Variants in CNGA3 observed in about 807,000 individuals in gnomAD.
The protein encoded by CNGA3 is cyclic nucleotide gated channel subunit alpha 3.
A neutral mutation model predicts 46.6 loss-of-function variants in CNGA3; 42 were observed. The observed-to-expected ratio is 0.90, with a 90% CI of 0.70 to 1.17. The LOEUF is 1.17. CNGA3 is among the 50% of genes most tolerant of loss of function. CNGA3 has a pLI of 0.00. For missense variants in CNGA3, 893 were observed against 890.7 expected (o/e 1.00, Z -0.03); for synonymous variants, 394 against 369.4 (o/e 1.07, Z -0.76).
intron 6 of CNGA3, among the ~76,000 whole-genome samples, chr2:98,390,477 G>C (rs1692760047): frequency 6.6e-6 from 1 of 152,082 alleles, no homozygotes; most frequent in South Asian, 2.1e-4. Flanking sequence ...AGCAGAAGAG[G>C]GATTGAGGGC....
intron 1 of CNGA3, among the ~76,000 whole-genome samples, chr2:98,365,632 T>C (rs1692129614): frequency 6.6e-6 from 1 of 152,218 alleles, no homozygotes; most frequent in South Asian, 2.1e-4. Context: ...TCTAATCTTG[T>C]CTGCCTGTCT....
chr2:98,367,846 G>C (rs972530375), intron 1 of CNGA3, among the ~76,000 whole-genome samples: 4 of 152,046 alleles, frequency 2.6e-5, no homozygotes, highest in Admixed American at 2.0e-4. Context: ...CACCTCACAG[G>C]GAACTCATGT....
intron 5 of CNGA3, among the ~76,000 whole-genome samples, chr2:98,388,006 G>T (rs1176756926): frequency 6.6e-6 from 1 of 152,166 alleles, no homozygotes; most frequent in Non-Finnish European, 1.5e-5. Flanking sequence ...ATCAGAAATT[G>T]TAGAACATTA....
intron 5 of CNGA3, among the ~76,000 whole-genome samples, chr2:98,387,281 G>A (rs1399921126): frequency 2.6e-5 from 4 of 152,100 alleles, no homozygotes; most frequent in African/African-American, 4.8e-5. Flanking sequence ...CACACGTATC[G>A]CACACAGCCT....
chr2:98,367,227 C>T (rs544717837), intron 1 of CNGA3, among the ~76,000 whole-genome samples: 1 of 141,766 alleles, frequency 7.1e-6, no homozygotes, highest in South Asian at 2.2e-4. Flanking sequence ...CACTGTGTCC[C>T]CCAGGCTGGA....
chr2:98,377,815 T>C lies in CNGA3; in HGVS notation c.215+15T>C. 1 of 1,602,616 alleles carries C rather than the reference T, an allele frequency of 6.2e-7. No homozygotes were observed. The highest frequency in any genetic ancestry group is 1.1e-5 in the South Asian group (1 of 89,250). On this transcript the variant is annotated intron_variant, in intron 3 of 7. Transcript: ENST00000272602. ...GGGATCGCCAGGTAACTGACCAGCC[T>C]CAGTCCCTACCTTGGCCTGGGGGAC...
intron 6 of CNGA3, among the ~76,000 whole-genome samples, chr2:98,390,318 A>AT (rs139891462): frequency 0.12 from 17,868 of 147,950 alleles, 1,245 homozygotes; most frequent in Non-Finnish European, 0.17. Flanking sequence ...ATATATATGT[A>AT]TTTTTTTTTT....
chr2:98,361,189 C>G (rs960416739), intron 1 of CNGA3, among the ~76,000 whole-genome samples: 3 of 152,152 alleles, frequency 2.0e-5, no homozygotes, highest in Non-Finnish European at 4.4e-5. Flanking sequence ...CCTGCCACCC[C>G]TGGAGAGGCC....
At chr2:98,368,564 C>A (rs186185117) in intron 1 of CNGA3, among the ~76,000 whole-genome samples, 1 of 152,216 alleles carries the variant, frequency 6.6e-6, no homozygotes, top group South Asian at 2.1e-4. Context: ...ATGTTCATGA[C>A]CTGATTTCTG....
chr2:98,380,059 C>G lies in CNGA3; in HGVS notation c.216-116C>G, dbSNP rs373588338. On this transcript the variant is annotated intron_variant, in intron 3 of 7. Coordinates refer to ENST00000272602, the MANE Select transcript of CNGA3 (RefSeq NM_001298.3). ...CCTGCTGGTCATCATTGCTTCTGCC[C>G]CATCCCTTGAGACAGACAGAGAGGG... 1.1e-4 allele frequency: 133 copies of G among 1,237,096 alleles called. 1 individual carries two copies. In the African/African-American group the frequency reaches 1.6e-3, roughly 15 times the overall value. The allele number at this position is 1,237,096 out of a possible 1,614,324, so 76.6% of individuals were successfully genotyped here.
chr2:98,374,097 T>C (rs892494769), intron 2 of CNGA3, among the ~76,000 whole-genome samples: 7 of 152,176 alleles, frequency 4.6e-5, no homozygotes, highest in Non-Finnish European at 8.8e-5. Flanking sequence ...TCACCTCTGT[T>C]TACTCTCATG....
chr2:98,354,869 G>T (rs537229219), intron 1 of CNGA3, among the ~76,000 whole-genome samples: 1 of 152,204 alleles, frequency 6.6e-6, no homozygotes, highest in Non-Finnish European at 1.5e-5. Context: ...ATACACAAAG[G>T]CATTTTTATT....
At chr2:98,383,137 G>C (rs1692574498) in intron 4 of CNGA3, among the ~76,000 whole-genome samples, 1 of 152,210 alleles carries the variant, frequency 6.6e-6, no homozygotes, top group South Asian at 2.1e-4. Flanking sequence ...TCAAACGGCT[G>C]AATCTTTTCT....
intron 2 of CNGA3, among the ~76,000 whole-genome samples, chr2:98,373,123 G>A (rs1278818742): frequency 6.6e-6 from 1 of 152,176 alleles, no homozygotes; most frequent in Non-Finnish European, 1.5e-5. Context: ...ATGGGGTACA[G>A]CAGCCTCAGG....
chr2:98,394,007 G>T (rs571775823), intron 7 of CNGA3, among the ~76,000 whole-genome samples: 1 of 151,116 alleles, frequency 6.6e-6, no homozygotes, highest in African/African-American at 2.4e-5. Flanking sequence ...TCCTACCCCA[G>T]TCTAGCCTCG....
At chr2:98,348,846 T>C (rs1018856140) in intron 1 of CNGA3, among the ~76,000 whole-genome samples, 2 of 152,208 alleles carry the variant, frequency 1.3e-5, no homozygotes, top group African/African-American at 2.4e-5. Context: ...TTGTGCAACC[T>C]ACCAGGTGGC....
intron 5 of CNGA3, 113 bp from the exon 6 acceptor site, chr2:98,389,545 T>C: frequency 1.1e-6 from 1 of 911,216 alleles, no homozygotes; most frequent in South Asian, 1.3e-5. Flanking sequence ...AGGACCCTGT[T>C]GTGGACAGCC....
intron 1 of CNGA3, among the ~76,000 whole-genome samples, chr2:98,357,243 G>A (rs537422961): frequency 3.9e-5 from 6 of 152,284 alleles, no homozygotes; most frequent in Non-Finnish European, 5.9e-5. Flanking sequence ...CTACTCAGGC[G>A]TCCGGGCCAA....
chr2:98,351,186 C>T (rs1192373460), intron 1 of CNGA3: 7 of 152,242 alleles, frequency 4.6e-5, no homozygotes, highest in Non-Finnish European at 8.8e-5. Context: ...AGCTTGCAGG[C>T]TCTACAATTA....
Sources: allele counts gnomAD v4.1 joint callset (sites outside exome capture counted in the v4.1 genomes callset), GRCh38; gene constraint gnomAD v4.1.1; transcripts MANE v1.5; gene names NCBI Gene and HGNC (gene_info 2026-07-23, HGNC 2026-07-21).